Variants in AKT1S1 observed in about 807,000 individuals in gnomAD.
AKT1S1 encodes the protein AKT1 substrate 1, also known as proline-rich AKT1 substrate 1.
In AKT1S1, 17 loss-of-function variants were observed where a neutral mutation model predicts 21.2. The observed-to-expected ratio is 0.80, with a 90% CI of 0.55 to 1.20. The LOEUF is 1.20. Among genes scored for constraint, AKT1S1 ranks in the 50% most tolerant of loss-of-function variants. AKT1S1 has a pLI of 0.00. For missense variants in AKT1S1, 366 were observed against 368.3 expected, an observed-to-expected ratio of 0.99 and a Z score of 0.05; for synonymous variants, 181 against 165.6, an observed-to-expected ratio of 1.09 and a Z score of -0.72.
At chr19:49,876,809 TG>T in intron 1 of AKT1S1, 1 of 822,790 alleles carries the variant, frequency 1.2e-6, no homozygotes, top group Non-Finnish European at 1.7e-6. Context: ...CTAAGAAAAA[TG>T]GCCCCGCCTA....
At chr19:49,877,692 G>C, upstream of AKT1S1, 1 of 1,597,520 alleles carries the variant, frequency 6.3e-7, no homozygotes, top group Non-Finnish European at 8.5e-7. Flanking sequence ...GGAAAAGGAG[G>C]AGGCGGGGCA....
intron 1 of AKT1S1, chr19:49,875,824 T>C: frequency 1.0e-6 from 1 of 985,020 alleles, no homozygotes. Context: ...AGGGGCACCC[T>C]GTAATGCTAC....
At chr19:49,870,105 C>T in intron 4 of AKT1S1, 45 bp from the exon 5 acceptor site, 1 of 1,452,288 alleles carries the variant, frequency 6.9e-7, no homozygotes. Context: ...GCAGGGCAAT[C>T]CCCCTGCACC....
chr19:49,871,668 A>C lies in AKT1S1; in HGVS notation c.506T>G (p.Val169Gly). ...ETPAGPPTCS[V>G]PPASALPTQQ... is the part of the protein sequence containing the mutation. ...TGTGGGTAGGGCTGAGGCTGGGGGC[A>C]CTGAGCAGGTGGGGGGGCCGGCGGG... The change falls in exon 4 of 5, where the codon GTG (valine) becomes GGG (glycine). Residue 169 changes from valine to glycine, a missense_variant. Val to Gly is a moderately radical substitution (Grantham distance 109). Transcript: ENST00000344175. 6.2e-7 allele frequency: 1 copy of C among 1,613,824 alleles called. No homozygotes were observed. The highest frequency in any genetic ancestry group is 8.5e-7 in the Non-Finnish European group (1 of 1,179,922).
chr19:49,877,421 C>CCCCA, upstream of AKT1S1: 1 of 447,756 alleles, frequency 2.2e-6, no homozygotes, highest in East Asian at 3.8e-5. Flanking sequence ...GGCGTGCTTG[C>CCCCA]CCCAGGTGGT....
At chr19:49,876,376 T>A in intron 1 of AKT1S1, 1 of 1,154,980 alleles carries the variant, frequency 8.7e-7, no homozygotes, top group Non-Finnish European at 1.1e-6. Flanking sequence ...TCCCAGGCGC[T>A]CTGGAACCGC....
chr19:49,873,495 C>G lies in AKT1S1; in HGVS notation c.-7-193G>C. ...CATCCAGTCCTCGCAGGCCCAGACC[C>G]TGGCGACGTCCTCTGCCCCAACCCA... On this transcript the variant is annotated intron_variant, in intron 1 of 4. Transcript: ENST00000344175. The surrounding 1 kb of genome is among the most constrained non-coding windows in gnomAD (Gnocchi z 6.9). 3.7e-6 allele frequency: 4 copies of G among 1,071,970 alleles called. No individual in the cohort carries two copies. The South Asian group carries it at 8.2e-5, about 22-fold the overall frequency. 66.4% of individuals were successfully genotyped at this position (1,071,970 alleles called of 1,614,324 possible).
In AKT1S1 at chr19:49,871,555, T is replaced by C. The variant is rs759938306; in HGVS notation, c.619A>G (p.Asn207Asp). ...RTEARSSDEE[N>D]GPPSSPDLDR... ...CCACATTTGCCCCTCACCGGCCCAT[T>C]CTCCTCATCTGATGACCGCGCCTCT... is the stretch of plus-strand genomic sequence containing the variant. The change falls in exon 4 of 5, where the codon AAT becomes GAT. Residue 207 changes from asparagine (N) to aspartate (D), a missense_variant. Transcript: ENST00000344175. The C allele has an allele frequency of 1.9e-6, 3 of 1,613,770 alleles. No individual in the cohort carries two copies. The highest frequency in any genetic ancestry group is 8.5e-7 in the Non-Finnish European group (1 of 1,179,926).
upstream of AKT1S1, chr19:49,877,673 C>T: frequency 6.3e-7 from 1 of 1,585,466 alleles, no homozygotes. Flanking sequence ...AGTGACAACA[C>T]GCTGACTAGG....
At chr19:49,871,512 G>A in intron 4 of AKT1S1, 35 bp downstream of exon 4, 1 of 1,612,644 alleles carries the variant, frequency 6.2e-7, no homozygotes, top group Non-Finnish European at 8.5e-7. Context: ...AGCCCTTCCA[G>A]CTGCCCTCCC....
intron 2 of AKT1S1, among the ~76,000 whole-genome samples, chr19:49,872,367 CAACA>C (rs1284090050): frequency 2.0e-5 from 3 of 152,192 alleles, no homozygotes; most frequent in Non-Finnish European, 4.4e-5. Context: ...TTGGTAATAA[CAACA>C]AACAAGGACC....
chr19:49,875,850 C>T (rs755813163), intron 1 of AKT1S1: 2 of 985,412 alleles, frequency 2.0e-6, no homozygotes, highest in Non-Finnish European at 2.4e-6. Flanking sequence ...AGGAGAGTAG[C>T]CAAGACCTGG....
chr19:49,870,654 G>A (rs1335502789), intron 4 of AKT1S1, among the ~76,000 whole-genome samples: 3 of 152,176 alleles, frequency 2.0e-5, no homozygotes, highest in Admixed American at 1.3e-4. Flanking sequence ...CCCGTCACCC[G>A]GAGCTGGGCC....
intron 2 of AKT1S1, among the ~76,000 whole-genome samples, chr19:49,872,241 T>C (rs1250697021): frequency 1.3e-5 from 2 of 152,182 alleles, no homozygotes; most frequent in Non-Finnish European, 2.9e-5. Context: ...CCAGAGAAGT[T>C]AAGTCACTTG....
intron 1 of AKT1S1, chr19:49,875,893 G>GTCC: frequency 1.0e-6 from 1 of 985,432 alleles, no homozygotes; most frequent in Non-Finnish European, 1.2e-6. Context: ...TCTAGAGGAG[G>GTCC]TCCTGTTTCC....
chr19:49,876,225 C>A, intron 1 of AKT1S1: 1 of 1,057,160 alleles, frequency 9.5e-7, no homozygotes, highest in Non-Finnish European at 1.1e-6. Context: ...GGAGGACCCA[C>A]TGGTCTAGGA....
chr19:49,874,131 A>C (rs1429371898), intron 1 of AKT1S1: 1 of 152,322 alleles, frequency 6.6e-6, no homozygotes, highest in Non-Finnish European at 1.5e-5. Context: ...GTGGTCCCTG[A>C]CCTTGATGAC....
Position 49,873,323 on chromosome 19 carries a change from G to C in AKT1S1, c.-7-21C>G. The C allele has an allele frequency of 7.0e-7, 1 of 1,425,110 alleles. No individual in the cohort carries two copies. The highest frequency in any genetic ancestry group is 9.1e-7 in the Non-Finnish European group (1 of 1,100,196). The allele number at this position is 1,425,110 out of a possible 1,614,324, so 88.3% of individuals were successfully genotyped here. On this transcript the variant is annotated intron_variant, in intron 1 of 4. Coordinates refer to ENST00000344175, the MANE Select transcript of AKT1S1 (RefSeq NM_001098633.4). This position sits in a 1 kb window ranked among gnomAD's most constrained non-coding sequence, Gnocchi z 6.9. ...GCGCCCTGCGGGCCAGAGCAGGACAGAGGGGGCTGAGGCTTGGCGGCCTAC... is the reference window on the plus strand; with the variant it reads ...GCGCCCTGCGGGCCAGAGCAGGACACAGGGGGCTGAGGCTTGGCGGCCTAC...
At chr19:49,877,712 T>TCGC, upstream of AKT1S1, 1 of 1,600,240 alleles carries the variant, frequency 6.2e-7, no homozygotes, top group South Asian at 1.1e-5. Context: ...AGTGGGGCCT[T>TCGC]CGGCGGCGAC....
Sources: gnomAD v4.1 joint callset for allele counts (sites outside exome capture counted in the v4.1 genomes callset) on GRCh38, gnomAD v4.1.1 for gene constraint, Gnocchi (gnomAD v3.1) non-coding constraint, MANE v1.5 for transcripts, NCBI Gene and HGNC (gene_info 2026-07-23, HGNC 2026-07-21) for gene names.